NKAIN2: variants seen among roughly 807,000 people sequenced by gnomAD.
The protein encoded by NKAIN2 is sodium/potassium transporting ATPase interacting 2, also known as sodium/potassium-transporting ATPase subunit beta-1-interacting protein 2.
In NKAIN2, 14 loss-of-function variants were observed where a neutral mutation model predicts 32.6. The ratio of observed to expected loss-of-function variants is 0.43; its 90% CI spans 0.28 to 0.67. The LOEUF (loss-of-function observed/expected upper bound fraction) is 0.67, where lower values mean the gene tolerates loss of function less well. Among genes scored for constraint, NKAIN2 ranks in the 30% least tolerant of loss-of-function variants. The probability of loss-of-function intolerance (pLI) is 0.17; values close to 1 mark genes in which losing one functional copy is unlikely to be tolerated. For missense variants in NKAIN2, 198 were observed against 258.3 expected (o/e 0.77, Z 1.60); for synonymous variants, 80 against 87.2 (o/e 0.92, Z 0.46).
Position 124,295,022 on chromosome 6 carries a change from A to T in NKAIN2, c.192+11880A>T, listed in dbSNP as rs1012487599. On this transcript the variant is annotated intron_variant, in intron 2 of 6. Transcript: ENST00000368417. ...TTTTATGGGAGTGTCATGCACTTAA[A>T]ATTTAATATGTGTGTACACAAAGAT... Among the ~76,000 whole-genome samples, 4 of 152,284 alleles carry T rather than the reference A, an allele frequency of 2.6e-5. No individual in the cohort carries two copies. The East Asian group carries it at 7.7e-4, about 29-fold the overall frequency.
chr6:123,933,096 A>C (rs1410337918), intron 1 of NKAIN2, among the ~76,000 whole-genome samples: 1 of 152,184 alleles, frequency 6.6e-6, no homozygotes, highest in East Asian at 1.9e-4. Flanking sequence ...CAGCTGCATA[A>C]TTTGCAGGGC....
At chr6:123,978,840 A>G (rs892407048) in intron 1 of NKAIN2, among the ~76,000 whole-genome samples, 7 of 152,190 alleles carry the variant, frequency 4.6e-5, no homozygotes, top group African/African-American at 1.2e-4. Context: ...AATTAGCTTC[A>G]TGGTTAAATA....
intron 1 of NKAIN2, among the ~76,000 whole-genome samples, chr6:123,966,185 A>T (rs1429005460): frequency 3.9e-5 from 6 of 152,184 alleles, no homozygotes; most frequent in African/African-American, 1.4e-4. Context: ...CTCTTTTGTC[A>T]GCTGGATCCA....
chr6:124,699,183 A>G (rs1774643942), intron 4 of NKAIN2, among the ~76,000 whole-genome samples: 1 of 152,184 alleles, frequency 6.6e-6, no homozygotes, highest in Admixed American at 6.5e-5. Context: ...GAACTCAGTC[A>G]CATGATGTCT....
chr6:124,528,485 T>C (rs1779402132), intron 3 of NKAIN2, among the ~76,000 whole-genome samples: 1 of 152,232 alleles, frequency 6.6e-6, no homozygotes. Context: ...TCCTTGAAGA[T>C]AATTGACTGT....
At chr6:124,543,890 G>C (rs1241153166) in intron 3 of NKAIN2, among the ~76,000 whole-genome samples, 1 of 152,128 alleles carries the variant, frequency 6.6e-6, no homozygotes, top group Non-Finnish European at 1.5e-5. Context: ...ATAAAAGGTA[G>C]GGACAAGCCA....
rs535606014 is a variant in NKAIN2, at chr6:124,206,748, A to G, written c.55-76257A>G. 3.5e-4 allele frequency among the ~76,000 whole-genome samples: 53 copies of G among 151,980 alleles called. 1 individual carries two copies. The South Asian group carries it at 0.011, about 31-fold the overall frequency. ...CACACTCTTTTAAAGATGATTTTAA[A>G]GGACCTAGGTTACTTAGTTCGTATT... On this transcript the variant is annotated intron_variant, in intron 1 of 6. Coordinates refer to ENST00000368417, the MANE Select transcript of NKAIN2 (RefSeq NM_001040214.3).
intron 1 of NKAIN2, among the ~76,000 whole-genome samples, chr6:124,036,824 T>C (rs1781623070): frequency 6.6e-6 from 1 of 152,166 alleles, no homozygotes; most frequent in East Asian, 1.9e-4. Context: ...GATTAGCTTT[T>C]GAAGTGGCAA....
chr6:123,805,476 C>T (rs754582781), intron 1 of NKAIN2, among the ~76,000 whole-genome samples: 1 of 152,120 alleles, frequency 6.6e-6, no homozygotes, highest in African/African-American at 2.4e-5. Flanking sequence ...TTTTTCTTTC[C>T]CCTGAAAGTT....
At chr6:124,664,793 C>CAAAAA (rs57032378) in intron 4 of NKAIN2, among the ~76,000 whole-genome samples, 19 of 40,804 alleles carry the variant, frequency 4.7e-4, no homozygotes, top group East Asian at 1.0e-3. Flanking sequence ...GACTCCGTCT[C>CAAAAA]AAAAAAAAAA....
At chr6:124,677,079 C>G (rs551678514) in intron 4 of NKAIN2, among the ~76,000 whole-genome samples, 1 of 152,218 alleles carries the variant, frequency 6.6e-6, no homozygotes, top group East Asian at 1.9e-4. Flanking sequence ...AGCAATTCTC[C>G]TGCCTCAGCC....
chr6:124,790,734 A>G (rs1779711224), intron 4 of NKAIN2, among the ~76,000 whole-genome samples: 1 of 152,074 alleles, frequency 6.6e-6, no homozygotes, highest in African/African-American at 2.4e-5. Context: ...TTCAGAAAAG[A>G]CGATGCGACG....
chr6:124,427,194 A>G (rs1055730898), intron 3 of NKAIN2, among the ~76,000 whole-genome samples: 3 of 152,228 alleles, frequency 2.0e-5, no homozygotes, highest in African/African-American at 7.2e-5. Flanking sequence ...GTATGACAAT[A>G]TAATAAATTG....
chr6:124,012,090 T>A (rs1354084090), intron 1 of NKAIN2, among the ~76,000 whole-genome samples: 1 of 151,982 alleles, frequency 6.6e-6, no homozygotes, highest in Non-Finnish European at 1.5e-5. Context: ...ATAATTAAAG[T>A]ACACCATGTT....
intron 2 of NKAIN2, among the ~76,000 whole-genome samples, chr6:124,346,021 G>C (rs1374356180): frequency 6.6e-6 from 1 of 151,984 alleles, no homozygotes; most frequent in African/African-American, 2.4e-5. Flanking sequence ...CCTAGAGATT[G>C]TGGTATGTTG....
intron 3 of NKAIN2, among the ~76,000 whole-genome samples, chr6:124,399,802 G>A (rs898733265): frequency 6.6e-6 from 1 of 152,144 alleles, no homozygotes; most frequent in Non-Finnish European, 1.5e-5. Flanking sequence ...GACAAATGCT[G>A]GTAGACAAGG....
intron 1 of NKAIN2, among the ~76,000 whole-genome samples, chr6:123,901,257 C>A (rs1774575391): frequency 6.6e-6 from 1 of 152,050 alleles, no homozygotes; most frequent in Non-Finnish European, 1.5e-5. Context: ...TAGAAAGCAG[C>A]CAGTGAAGTA....
At chr6:124,148,443 C>T (rs895672554) in intron 1 of NKAIN2, among the ~76,000 whole-genome samples, 14 of 152,016 alleles carry the variant, frequency 9.2e-5, no homozygotes, top group African/African-American at 3.4e-4. Context: ...TACTGATTTA[C>T]AGTTCTGTCT....
chr6:124,815,236 A>ATG (rs1781102283), intron 5 of NKAIN2, among the ~76,000 whole-genome samples: 1 of 144,106 alleles, frequency 6.9e-6, no homozygotes, highest in African/African-American at 2.6e-5. Flanking sequence ...ATATATATAT[A>ATG]TATATGTATA....
Sources: allele counts gnomAD v4.1 joint callset (sites outside exome capture counted in the v4.1 genomes callset), GRCh38; gene constraint gnomAD v4.1.1; transcripts MANE v1.5; gene names NCBI Gene and HGNC (gene_info 2026-07-23, HGNC 2026-07-21).